The following ASPH variants were observed in gnomAD, a reference collection of about 807,000 sequenced individuals.
ASPH encodes aspartate beta-hydroxylase, also known as aspartyl/asparaginyl beta-hydroxylase.
ASPH carries 100 observed loss-of-function variants against 118.4 expected under a neutral mutation model. The observed-to-expected ratio is 0.84, with a 90% CI of 0.72 to 1.00. The LOEUF (loss-of-function observed/expected upper bound fraction) is 1.00. ASPH is among the 50% of genes least tolerant of loss of function. ASPH has a pLI of 0.00. For synonymous variants in ASPH, 315 were observed against 325.6 expected, an observed-to-expected ratio of 0.97 and a Z score of 0.35; for missense variants, 920 against 919.5, an observed-to-expected ratio of 1.00 and a Z score of -0.01.
intron 24 of ASPH, among the ~76,000 whole-genome samples, chr8:61,505,493 CAAAAAAA>C (rs59845860): frequency 3.6e-5 from 4 of 110,560 alleles, no homozygotes; most frequent in Admixed American, 9.1e-5. Context: ...GACTCCATCT[CAAAAAAA>C]AAAAAAAAAA....
intron 19 of ASPH, among the ~76,000 whole-genome samples, 174 bp from the exon 20 acceptor site, chr8:61,553,294 A>C (rs2131134266): frequency 6.6e-6 from 1 of 152,360 alleles, no homozygotes; most frequent in South Asian, 2.1e-4. Context: ...ATGCCAAAAC[A>C]AAAGGAGGTC....
At chr8:61,589,155 G>C (rs1840349835) in intron 14 of ASPH, among the ~76,000 whole-genome samples, 1 of 152,190 alleles carries the variant, frequency 6.6e-6, no homozygotes, top group South Asian at 2.1e-4. Context: ...GCAAAGTTCT[G>C]TAAGTTAGTT....
At chr8:61,665,274 T>C in intron 3 of ASPH, 2 of 1,602,310 alleles carry the variant, frequency 1.2e-6, no homozygotes, top group Non-Finnish European at 1.7e-6. Flanking sequence ...TTCTGGGTAT[T>C]TCCCTTTGTT....
intron 16 of ASPH, among the ~76,000 whole-genome samples, chr8:61,568,100 G>A (rs1231266604): frequency 6.6e-6 from 1 of 152,168 alleles, no homozygotes; most frequent in Non-Finnish European, 1.5e-5. Context: ...GGCCTGGCAA[G>A]ATATTGACAA....
intron 14 of ASPH, among the ~76,000 whole-genome samples, chr8:61,617,796 G>T (rs1849523159): frequency 6.6e-6 from 1 of 151,774 alleles, no homozygotes; most frequent in Admixed American, 6.6e-5. Context: ...TAGTTGGCGT[G>T]GTGGCATGTG....
chr8:61,702,476 C>G (rs892050920), intron 1 of ASPH, among the ~76,000 whole-genome samples: 1 of 151,942 alleles, frequency 6.6e-6, no homozygotes, highest in East Asian at 1.9e-4. Flanking sequence ...TTAGTAGAGA[C>G]GGGGTTTCAC....
chr8:61,663,810 CT>C (rs2151318611), intron 3 of ASPH: 1 of 981,590 alleles, frequency 1.0e-6, no homozygotes, highest in East Asian at 1.1e-4. Context: ...GTTGAAGTTT[CT>C]GTCAACTAAA....
chr8:61,640,958 T>G (rs1372296002), intron 10 of ASPH, among the ~76,000 whole-genome samples: 1 of 152,224 alleles, frequency 6.6e-6, no homozygotes, highest in Non-Finnish European at 1.5e-5. Context: ...TGGTTTTGTT[T>G]TCACCCTACT....
At position 61,642,882 on chromosome 8, in the gene ASPH, G is replaced by A; in HGVS notation, c.790+6C>T. ...GAAAAAAAAAAAAAAGAAAGCATTT[G>A]CAAACCTTGTTCCTCATAGACTTGG... On this transcript the variant is annotated splice_donor_region_variant and intron_variant, in intron 10 of 24. Coordinates refer to ENST00000379454, the MANE Select transcript of ASPH (RefSeq NM_004318.4). 6.6e-7 allele frequency: 1 copy of A among 1,520,166 alleles called. No homozygotes were observed. The allele number at this position is 1,520,166 out of a possible 1,614,324, so 94.2% of individuals were successfully genotyped here.
intron 3 of ASPH, chr8:61,664,987 T>A (rs1588904418): frequency 8.4e-6 from 10 of 1,185,436 alleles, no homozygotes; most frequent in Non-Finnish European, 1.0e-5. Context: ...AAATTCATGA[T>A]ACATATACAT....
chr8:61,631,795 A>C (rs1855721162), intron 13 of ASPH: 1 of 152,260 alleles, frequency 6.6e-6, no homozygotes. Flanking sequence ...TCTTGTTTGG[A>C]GGTTCCAGCA....
At position 61,567,241 on chromosome 8, in the gene ASPH, G is replaced by T. The variant is rs756117651; in HGVS notation, c.1227C>A (p.Ala409=). The change falls in exon 17 of 25, where the codon GCC becomes GCA. Residue 409 remains alanine (A), a synonymous_variant. Coordinates refer to ENST00000379454, the MANE Select transcript of ASPH (RefSeq NM_004318.4). ...GGTCTGCAGGGACATCAGGTAGGCT[G>T]GCCACCTCTTGGTAGGTCTCGATGG... The part of the protein sequence containing the change: ...RGAIETYQEV[A]SLPDVPADLL... The T allele has an allele frequency of 6.2e-7, 1 of 1,613,940 alleles. No homozygotes were observed. Among genetic ancestry groups the T allele is most frequent in the Non-Finnish European group, 8.5e-7 (1 of 1,179,974 alleles).
chr8:61,529,636 C>G (rs1816826390), intron 21 of ASPH, among the ~76,000 whole-genome samples: 1 of 152,136 alleles, frequency 6.6e-6, no homozygotes, highest in Non-Finnish European at 1.5e-5. Context: ...AAGATCAATC[C>G]TAATTACACT....
Position 61,666,848 on chromosome 8 carries a change from T to C in ASPH, c.323-13188A>G, listed in dbSNP as rs879227444. ...TTGGACAGTAACATAGATACTGGCA[T>C]TGCAAAAGTGTAAAATGGATGTGCA... On this transcript the variant is annotated intron_variant, in intron 3 of 24. Coordinates refer to ENST00000379454, the MANE Select transcript of ASPH (RefSeq NM_004318.4). Among the ~76,000 whole-genome samples the C allele has an allele frequency of 3.9e-5, 6 of 152,204 alleles. 1 individual carries two copies. Among genetic ancestry groups the C allele is most frequent in the Admixed American group, 3.9e-4 (6 of 15,278 alleles).
At chr8:61,644,046 A>G (rs1375870271) in intron 7 of ASPH, 45 bp from the exon 8 acceptor site, 4 of 1,399,426 alleles carry the variant, frequency 2.9e-6, no homozygotes, top group Non-Finnish European at 4.0e-6. Flanking sequence ...CAAATAAGGA[A>G]TACATGTAAT....
chr8:61,622,884 T>A lies in ASPH; in HGVS notation c.935-3865A>T, dbSNP rs540328488. Among the ~76,000 whole-genome samples, 46 of 152,292 alleles carry A rather than the reference T, an allele frequency of 3.0e-4. 2 individuals carry two copies. The highest frequency in any genetic ancestry group is 1.5e-3 in the South Asian group (7 of 4,822). On this transcript the variant is annotated intron_variant, in intron 13 of 24. Transcript: ENST00000379454. The stretch of plus-strand genomic sequence containing the variant: ...AGTGGGTGCATTCAATAAAAGTGGG[T>A]CTGCTTACCATTAGTGTTTATTTTT...
intron 14 of ASPH, among the ~76,000 whole-genome samples, chr8:61,603,761 CTA>C (rs1324140607): frequency 1.3e-5 from 2 of 151,978 alleles, no homozygotes; most frequent in Non-Finnish European, 2.9e-5. Flanking sequence ...AAATTAATGA[CTA>C]GAATAAAAGA....
At chr8:61,654,956 T>C (rs1812885231) in intron 3 of ASPH, among the ~76,000 whole-genome samples, 2 of 152,196 alleles carry the variant, frequency 1.3e-5, no homozygotes, top group Non-Finnish European at 2.9e-5. Flanking sequence ...CAAATTCAAA[T>C]TTAGGGCTGC....
At chr8:61,503,551 G>A in intron 24 of ASPH, 42 bp from the exon 25 acceptor site, 1 of 1,545,984 alleles carries the variant, frequency 6.5e-7, no homozygotes, top group Non-Finnish European at 8.8e-7. Context: ...AGTTTTGTGT[G>A]GTTCAGATGT....
Sources: gnomAD v4.1 joint callset for allele counts (sites outside exome capture counted in the v4.1 genomes callset) on GRCh38, gnomAD v4.1.1 for gene constraint, MANE v1.5 for transcripts, NCBI Gene and HGNC (gene_info 2026-07-23, HGNC 2026-07-21) for gene names.